The following TMEM132D variants were observed in gnomAD, a reference collection of about 807,000 sequenced individuals.
TMEM132D encodes the protein transmembrane protein 132D.
Under a neutral mutation model 62.3 loss-of-function variants are expected in TMEM132D, and 21 were observed. The observed-to-expected ratio is 0.34, with a 90% confidence interval of 0.24 to 0.49. The LOEUF (loss-of-function observed/expected upper bound fraction) is 0.49, where lower values mean the gene tolerates loss of function less well. TMEM132D is among the 20% of genes least tolerant of loss of function. The pLI, the probability that TMEM132D is intolerant of heterozygous loss-of-function variation, is 0.99. For synonymous variants in TMEM132D, 621 were observed against 575.6 expected (o/e 1.08, Z -1.13); for missense variants, 1,346 against 1,402.8 (o/e 0.96, Z 0.65).
At chr12:129,697,407 G>A (rs1251646134) in intron 2 of TMEM132D, among the ~76,000 whole-genome samples, 2 of 152,076 alleles carry the variant, frequency 1.3e-5, no homozygotes, top group Non-Finnish European at 2.9e-5. Flanking sequence ...ATCTTGCCAG[G>A]TCCAAGTTAA....
At chr12:129,852,236 T>C (rs1051354892) in intron 1 of TMEM132D, 2 of 152,188 alleles carry the variant, frequency 1.3e-5, no homozygotes, top group African/African-American at 4.8e-5. Flanking sequence ...GTGTATATAT[T>C]TTTATCCATA....
intron 3 of TMEM132D, among the ~76,000 whole-genome samples, chr12:129,486,224 T>G (rs1370573177): frequency 6.6e-6 from 1 of 152,244 alleles, no homozygotes; most frequent in East Asian, 1.9e-4. Flanking sequence ...CTGCAGTCCC[T>G]TGCTACATCA....
At chr12:129,524,927 CTTTTTTTT>C (rs372985812) in intron 3 of TMEM132D, among the ~76,000 whole-genome samples, 2 of 85,962 alleles carry the variant, frequency 2.3e-5, no homozygotes, top group East Asian at 3.9e-4. Flanking sequence ...TTTCTTTTTT[CTTTTTTTT>C]TTTTTTTTTG....
chr12:129,291,383 T>C (rs531107447), intron 4 of TMEM132D, among the ~76,000 whole-genome samples: 1 of 152,334 alleles, frequency 6.6e-6, no homozygotes, highest in South Asian at 2.1e-4. Context: ...ATTTATCTTA[T>C]CTATAATCTT....
chr12:129,757,988 C>T (rs534246364), intron 1 of TMEM132D, among the ~76,000 whole-genome samples: 26 of 152,240 alleles, frequency 1.7e-4, no homozygotes, highest in South Asian at 4.1e-4. Context: ...CTGCAACCTC[C>T]GCCTCCTGGG....
At chr12:129,608,609 G>C (rs953765628) in intron 2 of TMEM132D, among the ~76,000 whole-genome samples, 2 of 152,136 alleles carry the variant, frequency 1.3e-5, no homozygotes, top group Non-Finnish European at 1.5e-5. Flanking sequence ...AAAAAATCAT[G>C]TCGCGTTTAC....
At chr12:129,294,460 C>T (rs955341267) in intron 4 of TMEM132D, among the ~76,000 whole-genome samples, 1 of 146,488 alleles carries the variant, frequency 6.8e-6, no homozygotes, top group African/African-American at 2.5e-5. Flanking sequence ...CCATGCTTAA[C>T]ACAGGGCCTC....
intron 1 of TMEM132D, among the ~76,000 whole-genome samples, chr12:129,834,133 T>C (rs940170323): frequency 6.6e-6 from 1 of 152,316 alleles, no homozygotes; most frequent in Middle Eastern, 3.4e-3. Context: ...TTACAGTTTT[T>C]CCTTTCCCTT....
chr12:129,430,951 C>T (rs746242182), intron 3 of TMEM132D, among the ~76,000 whole-genome samples: 6 of 152,226 alleles, frequency 3.9e-5, no homozygotes, highest in Admixed American at 6.5e-5. Flanking sequence ...TCTGTCTGGG[C>T]TTCCAGGCGC....
intron 1 of TMEM132D, among the ~76,000 whole-genome samples, chr12:129,706,610 A>T (rs1304622464): frequency 6.6e-6 from 1 of 151,956 alleles, no homozygotes; most frequent in Non-Finnish European, 1.5e-5. Context: ...AATGACATGA[A>T]GATATAAATA....
At chr12:129,702,959 C>A (rs540770793) in intron 1 of TMEM132D, among the ~76,000 whole-genome samples, 1 of 152,274 alleles carries the variant, frequency 6.6e-6, no homozygotes, top group East Asian at 1.9e-4. Context: ...TCCGTGTAAT[C>A]CTGGTGATAC....
In TMEM132D at chr12:129,074,553, G is replaced by A. The variant is rs1874185587; in HGVS notation, c.2622C>T (p.Asp874=). 1 of 1,614,080 alleles carries A rather than the reference G, an allele frequency of 6.2e-7. No individual in the cohort carries two copies. Among genetic ancestry groups the A allele is most frequent in the Non-Finnish European group, 8.5e-7 (1 of 1,180,020 alleles). Residue 874 remains aspartate, a synonymous_variant, in exon 9 of 9, where the codon GAC becomes GAT. Transcript: ENST00000422113. ...KKKGQESLLD[D]NSHLQTIPSD... ...TGGGGATGGTCTGCAAGTGGCTGTT[G>A]TCATCTAAAAGGCTTTCCTGGCCTT...
chr12:129,631,611 GGAGA>G (rs1428793267), intron 2 of TMEM132D, among the ~76,000 whole-genome samples: 1 of 152,202 alleles, frequency 6.6e-6, no homozygotes, highest in Non-Finnish European at 1.5e-5. Context: ...GAAATGGGAT[GGAGA>G]GAGAATCACA....
At chr12:129,728,588 T>C (rs2137250175) in intron 1 of TMEM132D, among the ~76,000 whole-genome samples, 1 of 152,336 alleles carries the variant, frequency 6.6e-6, no homozygotes, top group East Asian at 1.9e-4. Context: ...TGAGCAGTAA[T>C]GGCTCTTTTA....
chr12:129,236,643 TA>T (rs1215587435), intron 4 of TMEM132D, among the ~76,000 whole-genome samples: 3 of 152,292 alleles, frequency 2.0e-5, no homozygotes, highest in Admixed American at 2.0e-4. Context: ...TCTTTAGGGT[TA>T]TCTATATATA....
At chr12:129,689,057 C>T (rs771698049) in intron 2 of TMEM132D, among the ~76,000 whole-genome samples, 10 of 152,138 alleles carry the variant, frequency 6.6e-5, no homozygotes, top group Non-Finnish European at 1.5e-4. Context: ...TGCTTCTCAA[C>T]GTCCTACAAT....
intron 2 of TMEM132D, among the ~76,000 whole-genome samples, chr12:129,539,548 G>A (rs563367491): frequency 6.7e-6 from 1 of 149,074 alleles, no homozygotes; most frequent in East Asian, 2.0e-4. Context: ...GGGACTACAG[G>A]AGCCCGCCAC....
chr12:129,261,497 C>G (rs1880549456), intron 4 of TMEM132D, among the ~76,000 whole-genome samples: 1 of 152,220 alleles, frequency 6.6e-6, no homozygotes, highest in Non-Finnish European at 1.5e-5. Context: ...CCATGTGGAA[C>G]TGTGAGTCCA....
At chr12:129,107,853 A>AT (rs1233632062) in intron 5 of TMEM132D, among the ~76,000 whole-genome samples, 859 of 79,190 alleles carry the variant, frequency 0.011, 4 homozygotes, top group Non-Finnish European at 0.014. Flanking sequence ...CACCTGGCTA[A>AT]TTTTTTTTTT....
Sources: gnomAD v4.1 joint callset for allele counts (sites outside exome capture counted in the v4.1 genomes callset) on GRCh38, gnomAD v4.1.1 for gene constraint, MANE v1.5 for transcripts, NCBI Gene and HGNC (gene_info 2026-07-23, HGNC 2026-07-21) for gene names.